HLA-DQB1: variants seen among roughly 807,000 people sequenced by gnomAD.
The protein encoded by HLA-DQB1 is HLA class II histocompatibility antigen, DQ beta 1 chain.
In HLA-DQB1, 13 loss-of-function variants were observed where a neutral mutation model predicts 26.4. That is an observed-to-expected ratio of 0.49 (90% CI 0.32 to 0.78). The LOEUF is 0.78. Among genes scored for constraint, HLA-DQB1 ranks in the 30% least tolerant of loss-of-function variants. HLA-DQB1 has a pLI of 0.03. For missense variants in HLA-DQB1, 158 were observed against 326.2 expected (o/e 0.48, Z 3.97); for synonymous variants, 60 against 129.1 (o/e 0.46, Z 3.63).
In HLA-DQB1 at chr6:32,666,619, A is replaced by G. The variant is rs551381124; in HGVS notation, c.-12T>C. 5.3e-6 allele frequency: 5 copies of G among 943,692 alleles called. No individual in the cohort carries two copies. In the Admixed American group the frequency reaches 6.9e-5, roughly 13 times the overall value. The allele number at this position is 943,692 out of a possible 1,614,324, so 58.5% of individuals were successfully genotyped here. A position where few individuals can be genotyped will look rare whatever the true frequency, so the allele number is the denominator to read the frequency against. On this transcript the variant is annotated 5_prime_UTR_variant, in exon 1 of 5. Transcript: ENST00000434651. ...TTCTTCCAAGACATAACTGAGACGA[A>G]GGGAAAAGCAGTGGTAGTCAACACA...
In HLA-DQB1 at chr6:32,662,682, T is replaced by A. The variant is rs1783265815; in HGVS notation, c.380-434A>T. On this transcript the variant is annotated intron_variant, in intron 2 of 4. Coordinates refer to ENST00000434651, the Ensembl canonical transcript of HLA-DQB1. ...TCATAGTAAAAAAAATGACACATCT[T>A]TCCCCGCCTCTTTTACACATCTCAT... The A allele has an allele frequency of 2.1e-5, 2 of 94,354 alleles. 1 individual carries two copies. The highest frequency in any genetic ancestry group is 8.3e-5 in the African/African-American group (2 of 24,088). The allele number at this position is 94,354 out of a possible 1,614,324, so 5.8% of individuals were successfully genotyped here.
At chr6:32,665,899 C>T (rs9274473) in intron 1 of HLA-DQB1, among the ~76,000 whole-genome samples, 60,311 of 114,068 alleles carry the variant, frequency 0.53, 17,115 homozygotes, top group Middle Eastern at 0.72. Flanking sequence ...CTACTAAATT[C>T]AGTCCACCAT....
intron 3 of HLA-DQB1, 140 bp from the exon 4 acceptor site, chr6:32,661,597 G>A (rs879406576): frequency 2.0e-6 from 1 of 511,278 alleles, no homozygotes; most frequent in Non-Finnish European, 3.2e-6. Context: ...CCTAAGGAGG[G>A]GAAAGACCAG....
chr6:32,665,034 T>A, exon 2 of HLA-DQB1: 1 of 1,405,146 alleles, frequency 7.1e-7, no homozygotes, highest in Non-Finnish European at 9.9e-7. Flanking sequence ...GTTGGTGAAG[T>A]AGCACATGCC....
At chr6:32,663,406 T>TGATTGATTAA (rs1783404912) in intron 2 of HLA-DQB1, 10 of 54,386 alleles carry the variant, frequency 1.8e-4, no homozygotes, top group African/African-American at 2.6e-4. Flanking sequence ...ATCATGAATT[T>TGATTGATTAA]TCAATGCCGC....
At chr6:32,665,202 C>A (rs138033214) in intron 1 of HLA-DQB1, 135 bp from the exon 2 acceptor site, 15,851 of 512,472 alleles carry the variant, frequency 0.031, 2,877 homozygotes, top group South Asian at 0.21. Flanking sequence ...GCGCTCCAGA[C>A]CTGGGATCCT....
intron 3 of HLA-DQB1, chr6:32,661,723 C>A (rs28724248): frequency 0.028 from 11,554 of 408,276 alleles, 289 homozygotes; most frequent in East Asian, 0.077. Context: ...CCCTAAGAAT[C>A]AGTCCCTCAG....
In HLA-DQB1 at chr6:32,661,843, TG is replaced by T. The variant is rs1783080317; in HGVS notation, c.661+123del. The T allele has an allele frequency of 1.0e-5, 8 of 787,860 alleles. No individual in the cohort carries two copies. In the South Asian group the frequency reaches 1.3e-4, roughly 13 times the overall value. 48.8% of individuals were successfully genotyped at this position (787,860 alleles called of 1,614,324 possible). On this transcript the variant is annotated intron_variant, in intron 3 of 4. Transcript: ENST00000434651. The stretch of plus-strand genomic sequence containing the variant: ...GATGCACTTGCCATGGAGCAAGAGG[TG>T]CTCTAGTCTCCTGTGATTCCCAGCT...
intron 1 of HLA-DQB1, among the ~76,000 whole-genome samples, chr6:32,666,080 C>CT (rs1784090232): frequency 8.5e-6 from 1 of 118,290 alleles, no homozygotes; most frequent in Non-Finnish European, 1.8e-5. Context: ...AATACAGAGA[C>CT]TACAGACACC....
chr6:32,664,975 C>A lies in HLA-DQB1; in HGVS notation c.202G>T (p.Glu68Ter), dbSNP rs754399219. The A allele has an allele frequency of 7.3e-7, 1 of 1,370,000 alleles. No homozygotes were observed. The highest frequency in any genetic ancestry group is 1.0e-6 in the Non-Finnish European group (1 of 970,154). The allele number at this position is 1,370,000 out of a possible 1,614,324, so 84.9% of individuals were successfully genotyped here. A position where few individuals can be genotyped will look rare whatever the true frequency, so the allele number is the denominator to read the frequency against. ...ACGTCGCTGTCGAAGCGCGCGTACT[C>A]CTCTCGGTTATAGATGTATCTGGTC... is the stretch of plus-strand genomic sequence containing the variant. The change falls in exon 2 of 5, where the codon GAG (glutamate) becomes TAG (stop). Residue 68 changes from glutamate (E) to a stop codon, truncating the protein, a stop_gained. Transcript: ENST00000434651. LOFTEE classifies it high-confidence loss of function.
intron 3 of HLA-DQB1, 38 bp from the exon 4 acceptor site, chr6:32,661,495 AC>A: frequency 9.5e-7 from 1 of 1,051,304 alleles, no homozygotes. Context: ...TTGTCCCCAC[AC>A]CCCATAGCAT....
chr6:32,663,716 CT>C (rs878956719), intron 2 of HLA-DQB1: 1 of 139,988 alleles, frequency 7.1e-6, no homozygotes, highest in African/African-American at 2.7e-5. Flanking sequence ...GAAATAAGTG[CT>C]TCCTGAATGG....
Position 32,666,475 on chromosome 6 carries a change from GGAGAGCA to G in HLA-DQB1, c.109+17_109+23del. 2 of 858,108 alleles carry G rather than the reference GGAGAGCA, an allele frequency of 2.3e-6. No individual in the cohort carries two copies. Among genetic ancestry groups the G allele is most frequent in the South Asian group, 3.4e-5 (2 of 58,016 alleles). 53.2% of individuals were successfully genotyped at this position (858,108 alleles called of 1,614,324 possible). ...AGCCTGTTCCCAGAGTGGCGGCTCT[GGAGAGCA>G]GCTGCCCTGCACTTACCGGGAGAGT... On this transcript the variant is annotated intron_variant, in intron 1 of 4. Coordinates refer to ENST00000434651, the Ensembl canonical transcript of HLA-DQB1.
intron 4 of HLA-DQB1, chr6:32,660,617 C>G (rs117899140): frequency 0.03 from 13,029 of 433,312 alleles, 1,895 homozygotes; most frequent in East Asian, 0.2. Flanking sequence ...ATCCTAGTGT[C>G]TAACATTTAA....
At chr6:32,664,461 T>G (rs281862333) in intron 2 of HLA-DQB1, 2 of 145,472 alleles carry the variant, frequency 1.4e-5, no homozygotes, top group Non-Finnish European at 2.7e-5. Flanking sequence ...GGGTGGGCAC[T>G]GGGGGCAGAG....
exon 3 of HLA-DQB1, chr6:32,662,037 G>C (rs9273947): frequency 2.0e-6 from 3 of 1,494,612 alleles, no homozygotes; most frequent in Non-Finnish European, 2.8e-6. Context: ...CTCCACGCTG[G>C]GGAGTCATTT....
intron 2 of HLA-DQB1, chr6:32,664,336 C>T (rs4538746): frequency 0.57 from 52,862 of 92,702 alleles, 22,739 homozygotes; most frequent in East Asian, 0.87. Flanking sequence ...CTGCGCGCAG[C>T]TGTGGGGCAG....
chr6:32,665,775 A>G (rs1470563394), intron 1 of HLA-DQB1, among the ~76,000 whole-genome samples: 3 of 135,694 alleles, frequency 2.2e-5, no homozygotes, highest in African/African-American at 8.2e-5. Context: ...GAAAATCATG[A>G]TATCTACACA....
chr6:32,666,529 A>AT lies in HLA-DQB1; in HGVS notation c.78_79insA (p.Ser27IlefsTer5). The AT allele has an allele frequency of 9.1e-7, 1 of 1,096,080 alleles. No homozygotes were observed. Among genetic ancestry groups the AT allele is most frequent in the Admixed American group, 2.2e-5 (1 of 45,262 alleles). The allele number at this position is 1,096,080 out of a possible 1,614,324, so 67.9% of individuals were successfully genotyped here. On this transcript the variant is annotated frameshift_variant, in exon 1 of 5. Coordinates refer to ENST00000434651, the Ensembl canonical transcript of HLA-DQB1. LOFTEE classifies it high-confidence loss of function. ...GAGTCTCTGCCCTCAGCCAGTAGGG[A>AT]GCTCAGCATCGCCAGCATCAAGGTG...
Sources: gnomAD v4.1 joint callset for allele counts (sites outside exome capture counted in the v4.1 genomes callset) on GRCh38, gnomAD v4.1.1 for gene constraint, MANE v1.5 for transcripts, NCBI Gene and HGNC (gene_info 2026-07-23, HGNC 2026-07-21) for gene names.